Variants in CTNNA2 observed in about 807,000 individuals in gnomAD.
CTNNA2 encodes the protein catenin alpha-2.
In CTNNA2, 42 loss-of-function variants were observed where a neutral mutation model predicts 101.0. The ratio of observed to expected loss-of-function variants is 0.42; its 90% confidence interval spans 0.32 to 0.54. The LOEUF (loss-of-function observed/expected upper bound fraction) is 0.54, where lower values mean the gene tolerates loss of function less well. Ranked by LOEUF, CTNNA2 falls within the 20% of genes least tolerant of loss-of-function variation. CTNNA2 has a pLI of 0.14. For synonymous variants in CTNNA2, 450 were observed against 456.4 expected, an observed-to-expected ratio of 0.99 and a Z score of 0.18; for missense variants, 871 against 1,223.1, an observed-to-expected ratio of 0.71 and a Z score of 4.29.
intron 7 of CTNNA2, among the ~76,000 whole-genome samples, chr2:79,960,631 T>C (rs867378740): frequency 3.5e-4 from 53 of 152,250 alleles, no homozygotes; most frequent in African/African-American, 1.3e-3. Flanking sequence ...AAAAGAACAC[T>C]GGAGGTTATA....
At chr2:80,622,746 T>C (rs1671261289) in intron 18 of CTNNA2, among the ~76,000 whole-genome samples, 1 of 151,780 alleles carries the variant, frequency 6.6e-6, no homozygotes, top group Non-Finnish European at 1.5e-5. Context: ...TTTGTATTTC[T>C]TGCCATTCGA....
At chr2:79,421,347 T>TA (rs1405006375) in intron 4 of CTNNA2, among the ~76,000 whole-genome samples, 5 of 152,210 alleles carry the variant, frequency 3.3e-5, no homozygotes, top group Admixed American at 2.0e-4. Flanking sequence ...CAAAGGAACT[T>TA]ACGCGAGAGC....
At chr2:79,516,850 C>T (rs1313826916) in intron 1 of CTNNA2, among the ~76,000 whole-genome samples, 1 of 152,108 alleles carries the variant, frequency 6.6e-6, no homozygotes, top group African/African-American at 2.4e-5. Flanking sequence ...TTTTCCTTAT[C>T]CCATGAATAT....
chr2:79,621,975 G>A (rs55714493), intron 1 of CTNNA2, among the ~76,000 whole-genome samples: 2,267 of 152,264 alleles, frequency 0.015, 62 homozygotes, highest in African/African-American at 0.052. Flanking sequence ...TAAAGTCTGA[G>A]AAACTGTAGC....
chr2:80,079,588 C>A (rs1698985016), intron 7 of CTNNA2, among the ~76,000 whole-genome samples: 1 of 151,976 alleles, frequency 6.6e-6, no homozygotes, highest in East Asian at 1.9e-4. Context: ...CTGAGGCGGG[C>A]AGATCACAAG....
intron 9 of CTNNA2, among the ~76,000 whole-genome samples, chr2:80,467,240 A>G (rs1684936100): frequency 6.6e-6 from 1 of 152,188 alleles, no homozygotes; most frequent in South Asian, 2.1e-4. Context: ...TCCTTCATGC[A>G]CAAAGACAGA....
chr2:79,214,448 A>G (rs2104206877), intron 2 of CTNNA2, among the ~76,000 whole-genome samples: 1 of 152,290 alleles, frequency 6.6e-6, no homozygotes, highest in East Asian at 1.9e-4. Flanking sequence ...TGGTTCTAGG[A>G]CAGGTAAAAT....
chr2:79,476,467 C>G (rs1445787504), intron 4 of CTNNA2, among the ~76,000 whole-genome samples: 1 of 152,008 alleles, frequency 6.6e-6, no homozygotes, highest in Non-Finnish European at 1.5e-5. Context: ...TTTAGCCATT[C>G]GGTAACAGTA....
chr2:79,305,295 T>TATATATATACATATATATACAC (rs1324141636), intron 2 of CTNNA2, among the ~76,000 whole-genome samples: 58 of 149,524 alleles, frequency 3.9e-4, no homozygotes, highest in Middle Eastern at 3.6e-3. Flanking sequence ...CGTGTGTGTG[T>TATATATATACATATATATACAC]ATATATATAC....
intron 3 of CTNNA2, among the ~76,000 whole-genome samples, chr2:79,767,148 C>T (rs1673224634): frequency 1.3e-5 from 2 of 151,960 alleles, no homozygotes; most frequent in Admixed American, 1.3e-4. Flanking sequence ...ATGCATTCTT[C>T]AGTATGCCAA....
chr2:80,458,070 T>TGTAG (rs1684130185), intron 9 of CTNNA2, among the ~76,000 whole-genome samples: 1 of 152,186 alleles, frequency 6.6e-6, no homozygotes, highest in African/African-American at 2.4e-5. Flanking sequence ...TCAATCCTTG[T>TGTAG]GTAGGTGCCA....
In CTNNA2 at chr2:79,388,311, T is replaced by A. The variant is rs1000434037; in HGVS notation, c.-135+14298T>A. Among the ~76,000 whole-genome samples, 19 of 152,298 alleles carry A rather than the reference T, an allele frequency of 1.2e-4. No homozygotes were observed. In the South Asian group the frequency reaches 3.5e-3, roughly 28 times the overall value. ...AGGGAAGCTGACTTCTGGGAGGTCT[T>A]AAATTAGTAATTAATGGTCATCTCT... is the stretch of plus-strand genomic sequence containing the variant. On this transcript the variant is annotated intron_variant, in intron 4 of 21. Transcript: ENST00000466387.
chr2:79,768,677 G>A (rs1020351597), intron 3 of CTNNA2, among the ~76,000 whole-genome samples: 2 of 151,930 alleles, frequency 1.3e-5, no homozygotes, highest in Non-Finnish European at 2.9e-5. Flanking sequence ...TCATTTTGGG[G>A]ATTAATGTTT....
chr2:79,413,612 A>AT (rs1004788430), intron 4 of CTNNA2, among the ~76,000 whole-genome samples: 5 of 151,964 alleles, frequency 3.3e-5, no homozygotes, highest in Admixed American at 6.6e-5. Context: ...TAGTAGTTCT[A>AT]TTTTTAATTT....
At chr2:80,141,072 C>T (rs1329801913) in intron 7 of CTNNA2, among the ~76,000 whole-genome samples, 1 of 152,020 alleles carries the variant, frequency 6.6e-6, no homozygotes, top group Non-Finnish European at 1.5e-5. Context: ...ACTCAGCCCT[C>T]CCTTGTTACT....
chr2:80,201,442 C>G (rs1015003840), intron 7 of CTNNA2, among the ~76,000 whole-genome samples: 1 of 136,976 alleles, frequency 7.3e-6, no homozygotes, highest in East Asian at 2.1e-4. Flanking sequence ...GGTGCAAACT[C>G]GGCTCACTGC....
intron 6 of CTNNA2, among the ~76,000 whole-genome samples, chr2:79,898,771 C>T (rs1440590974): frequency 6.6e-6 from 1 of 151,880 alleles, no homozygotes; most frequent in Non-Finnish European, 1.5e-5. Context: ...GCAGAACTCC[C>T]AACAGATCAT....
intron 7 of CTNNA2, among the ~76,000 whole-genome samples, chr2:80,173,966 G>A (rs932380059): frequency 2.0e-5 from 3 of 152,156 alleles, no homozygotes; most frequent in Admixed American, 6.5e-5. Flanking sequence ...ATAATTTAAT[G>A]TCATGCCTGT....
At chr2:79,631,905 T>C (rs1175354110) in intron 1 of CTNNA2, among the ~76,000 whole-genome samples, 1 of 152,216 alleles carries the variant, frequency 6.6e-6, no homozygotes, top group Non-Finnish European at 1.5e-5. Context: ...TTATGACTTT[T>C]TGGACTTATG....
Sources: gnomAD v4.1 joint callset for allele counts (sites outside exome capture counted in the v4.1 genomes callset) on GRCh38, gnomAD v4.1.1 for gene constraint, MANE v1.5 for transcripts, NCBI Gene and HGNC (gene_info 2026-07-23, HGNC 2026-07-21) for gene names.